The following SLC37A3 variants were observed in gnomAD, a reference collection of about 807,000 sequenced individuals.
SLC37A3 encodes the protein sugar phosphate exchanger 3.
In SLC37A3, 51 loss-of-function variants were observed where a neutral mutation model predicts 67.1. The ratio of observed to expected loss-of-function variants is 0.76; its 90% CI spans 0.61 to 0.96. The LOEUF (loss-of-function observed/expected upper bound fraction) is 0.96. Among genes scored for constraint, SLC37A3 ranks in the 40% least tolerant of loss-of-function variants. The pLI is 0.00. For missense variants in SLC37A3, 508 were observed against 603.0 expected (o/e 0.84, Z 1.65); for synonymous variants, 214 against 231.4 (o/e 0.92, Z 0.68).
chr7:140,356,871 G>A (rs1797050896), intron 6 of SLC37A3, among the ~76,000 whole-genome samples: 1 of 152,136 alleles, frequency 6.6e-6, no homozygotes, highest in Non-Finnish European at 1.5e-5. Flanking sequence ...TCTGCTGATG[G>A]GAATGTAAAA....
At position 140,345,102 on chromosome 7, in the gene SLC37A3, A is replaced by G. The variant is rs1348823103; in HGVS notation, c.1174+114T>C. On this transcript the variant is annotated intron_variant, in intron 12 of 14. Transcript: ENST00000326232. ...AGGCGTTTTTCCTTTTAAAATTTGA[A>G]TTCTCTGTAATTAAGGTTTCGGTAC... 1.2e-5 allele frequency: 11 copies of G among 911,640 alleles called. No individual in the cohort carries two copies. In the African/African-American group the frequency reaches 1.7e-4, roughly 14 times the overall value. The allele number at this position is 911,640 out of a possible 1,614,324, so 56.5% of individuals were successfully genotyped here.
chr7:140,383,025 T>TC (rs1408162922), intron 1 of SLC37A3, among the ~76,000 whole-genome samples: 1 of 152,196 alleles, frequency 6.6e-6, no homozygotes, highest in East Asian at 1.9e-4. Flanking sequence ...GTATAATGGT[T>TC]CCTGAACTCC....
In SLC37A3 at chr7:140,377,197, G is replaced by A. The variant is rs890475899; in HGVS notation, c.198+3085C>T. ...TGACCTCAAGTGATATGCCCGCCTC[G>A]GCCTCCCAAAGTGTTTTTTTTTTTG... On this transcript the variant is annotated intron_variant, in intron 3 of 14. Transcript: ENST00000326232. Among the ~76,000 whole-genome samples the A allele has an allele frequency of 1.6e-4, 24 of 151,412 alleles. No homozygotes were observed. The East Asian group carries it at 2.5e-3, about 16-fold the overall frequency.
At chr7:140,368,438 A>T (rs562409819) in intron 4 of SLC37A3, among the ~76,000 whole-genome samples, 1 of 152,084 alleles carries the variant, frequency 6.6e-6, no homozygotes, top group African/African-American at 2.4e-5. Context: ...GTGGTGGCGC[A>T]TGCCTGCAAT....
chr7:140,336,111 G>A (rs1796121150), intron 14 of SLC37A3, among the ~76,000 whole-genome samples: 1 of 152,226 alleles, frequency 6.6e-6, no homozygotes, highest in Non-Finnish European at 1.5e-5. Context: ...ACTCTCTCAG[G>A]TAGACCTGTC....
At chr7:140,348,462 C>CTTTTTTTTTTT (rs66700092) in intron 10 of SLC37A3, 164 bp downstream of exon 10, 3 of 350,162 alleles carry the variant, frequency 8.6e-6, no homozygotes, top group African/African-American at 5.6e-5. Flanking sequence ...CTTTTCTTTT[C>CTTTTTTTTTTT]TTTTTTTTTT....
chr7:140,390,882 C>T (rs980781406), intron 1 of SLC37A3, among the ~76,000 whole-genome samples: 2 of 152,176 alleles, frequency 1.3e-5, no homozygotes, highest in African/African-American at 4.8e-5. Context: ...ATCCATCCCC[C>T]TCCTGTCCTC....
In SLC37A3 at chr7:140,389,625, G is replaced by A. The variant is rs554742992; in HGVS notation, c.-70-7029C>T. Among the ~76,000 whole-genome samples the A allele has an allele frequency of 2.0e-5, 3 of 152,178 alleles. No homozygotes were observed. The South Asian group carries it at 6.2e-4, about 32-fold the overall frequency. On this transcript the variant is annotated intron_variant, in intron 1 of 14. Coordinates refer to ENST00000326232, the MANE Select transcript of SLC37A3 (RefSeq NM_207113.3). ...GCAGTTCCCCTGTCTTGATAAATTG[G>A]CTCTGTCTAGGCAGCAGGCAAGGTG...
At chr7:140,390,432 A>G (rs1000138083) in intron 1 of SLC37A3, among the ~76,000 whole-genome samples, 2 of 152,004 alleles carry the variant, frequency 1.3e-5, no homozygotes, top group African/African-American at 2.4e-5. Flanking sequence ...CAAGAGGTGC[A>G]ATCTTCCCTC....
intron 9 of SLC37A3, among the ~76,000 whole-genome samples, chr7:140,349,228 C>T (rs1253794151): frequency 2.6e-5 from 4 of 152,226 alleles, no homozygotes; most frequent in Non-Finnish European, 5.9e-5. Flanking sequence ...TTATTCTACT[C>T]CTTGCCAAGG....
At chr7:140,376,104 G>T (rs535278373) in intron 3 of SLC37A3, among the ~76,000 whole-genome samples, 2 of 152,250 alleles carry the variant, frequency 1.3e-5, no homozygotes, top group South Asian at 4.1e-4. Flanking sequence ...ACTCCCTGAA[G>T]GTGTGGCTTT....
chr7:140,351,025 G>A (rs1026533655), intron 9 of SLC37A3, among the ~76,000 whole-genome samples: 19 of 152,128 alleles, frequency 1.2e-4, no homozygotes, highest in African/African-American at 4.3e-4. Context: ...AGTAGTTGGG[G>A]GAGAGACTGG....
chr7:140,358,033 C>T (rs369231255), intron 6 of SLC37A3, among the ~76,000 whole-genome samples: 1 of 151,986 alleles, frequency 6.6e-6, no homozygotes, highest in South Asian at 2.1e-4. Flanking sequence ...CCGAGATCAC[C>T]CCACTGCACT....
intron 2 of SLC37A3, among the ~76,000 whole-genome samples, chr7:140,381,794 C>T (rs1222438650): frequency 1.3e-5 from 2 of 151,690 alleles, no homozygotes; most frequent in South Asian, 4.2e-4. Flanking sequence ...TTTGGGAGGC[C>T]GAGGTGGGCA....
In SLC37A3 at chr7:140,382,484, G is replaced by T; in HGVS notation, c.43C>A (p.Gln15Lys). The T allele has an allele frequency of 6.2e-7, 1 of 1,614,136 alleles. No homozygotes were observed. Among genetic ancestry groups the T allele is most frequent in the Non-Finnish European group, 8.5e-7 (1 of 1,179,992 alleles). The change falls in exon 2 of 15, where the codon CAG (glutamine) becomes AAG (lysine). Residue 15 changes from glutamine (Q) to lysine (K), a missense_variant. Transcript: ENST00000326232. ...ACTACAACATGATGATGGCTGAACTGGGACAGCAGAGACCCTCTTTGAAAA... is the reference window on the plus strand; with the variant it reads ...ACTACAACATGATGATGGCTGAACTTGGACAGCAGAGACCCTCTTTGAAAA... ...NVFQRGSLLS[Q>K]FSHHHVVVFL...
At chr7:140,371,889 T>C (rs1797834804) in intron 3 of SLC37A3, among the ~76,000 whole-genome samples, 1 of 152,084 alleles carries the variant, frequency 6.6e-6, no homozygotes, top group South Asian at 2.1e-4. Flanking sequence ...TCTCGCTCTG[T>C]TACCCAGGCT....
At position 140,335,459 on chromosome 7, in the gene SLC37A3, T is replaced by A. The variant is rs774322876; in HGVS notation, c.1438A>T (p.Ile480Leu). 30 of 1,614,182 alleles carry A rather than the reference T, an allele frequency of 1.9e-5. No individual in the cohort carries two copies. The highest frequency in any genetic ancestry group is 3.3e-5 in the Admixed American group (2 of 60,026). ...TGTCTCCTTAGCACGAGAGAGAATA[T>A]TTCCCTCACTATTAATGGCGAGATA... ...VFISPLIVREIFSLVLRRQAH... is the reference protein window; with the variant it reads ...VFISPLIVRELFSLVLRRQAH... Residue 480 changes from isoleucine (I) to leucine (L), a missense_variant, in exon 15 of 15, where the codon ATA becomes TTA. By Grantham distance (5) the Ile-to-Leu change is conservative. Coordinates refer to ENST00000326232, the MANE Select transcript of SLC37A3 (RefSeq NM_207113.3).
intron 1 of SLC37A3, among the ~76,000 whole-genome samples, chr7:140,386,342 C>G (rs1798448948): frequency 6.6e-6 from 1 of 151,928 alleles, no homozygotes; most frequent in Non-Finnish European, 1.5e-5. Context: ...AGTGCTGAGA[C>G]TACAAGCGTG....
At chr7:140,340,293 C>CT (rs35512830) in intron 13 of SLC37A3, among the ~76,000 whole-genome samples, 23,444 of 141,774 alleles carry the variant, frequency 0.17, 2,044 homozygotes, top group African/African-American at 0.25. Context: ...CAACCTCATT[C>CT]TTTTTTTTTT....
Sources: gnomAD v4.1 joint callset for allele counts (sites outside exome capture counted in the v4.1 genomes callset) on GRCh38, gnomAD v4.1.1 for gene constraint, MANE v1.5 for transcripts, NCBI Gene and HGNC (gene_info 2026-07-23, HGNC 2026-07-21) for gene names.